Variants in ZFPM1 observed in about 807,000 individuals in gnomAD.
ZFPM1 encodes zinc finger protein, FOG family member 1, also known as zinc finger protein ZFPM1.
A neutral mutation model predicts 46.3 loss-of-function variants in ZFPM1; 28 were observed. That is an observed-to-expected ratio of 0.60 (90% CI 0.45 to 0.83). The LOEUF (loss-of-function observed/expected upper bound fraction) is 0.83, where lower values mean the gene tolerates loss of function less well. ZFPM1 is among the 40% of genes least tolerant of loss of function. The pLI is 0.00. For missense variants in ZFPM1, 1,878 were observed against 1,432.4 expected (o/e 1.31, Z -5.02); for synonymous variants, 957 against 675.9 (o/e 1.42, Z -6.45).
intron 3 of ZFPM1, among the ~76,000 whole-genome samples, chr16:88,500,314 A>G (rs992920479): frequency 3.9e-4 from 59 of 152,258 alleles, no homozygotes; most frequent in African/African-American, 1.3e-3. Flanking sequence ...AGCTCCCCCC[A>G]TGAGCTGGTG....
intron 4 of ZFPM1, among the ~76,000 whole-genome samples, chr16:88,517,044 T>C (rs1384948371): frequency 6.6e-6 from 1 of 152,162 alleles, no homozygotes; most frequent in Non-Finnish European, 1.5e-5. Flanking sequence ...GCTTCCCTGA[T>C]GCAGCAACAG....
intron 3 of ZFPM1, 105 bp downstream of exon 3, chr16:88,489,258 G>A: frequency 6.9e-7 from 1 of 1,454,050 alleles, no homozygotes; most frequent in Non-Finnish European, 9.1e-7. Context: ...GCAGGTTGCT[G>A]GAGACCCACC....
Position 88,532,153 on chromosome 16 carries a change from C to A in ZFPM1, c.864C>A (p.Asn288Lys). The A allele has an allele frequency of 1.9e-6, 3 of 1,612,638 alleles. No homozygotes were observed. Among genetic ancestry groups the A allele is most frequent in the African/African-American group, 2.7e-5 (2 of 75,050 alleles). The change falls in exon 7 of 10, where the codon AAC (asparagine) becomes AAA (lysine). Residue 288 changes from asparagine (N) to lysine (K), a missense_variant. Coordinates refer to ENST00000319555, the MANE Select transcript of ZFPM1 (RefSeq NM_153813.3). ...AGAAGCCCAAAGAGACCTACCCCAA[C>A]GAGCGCGTCTGCCCCTTCCCCCAGT... ...TDEKPKETYP[N>K]ERVCPFPQCR...
At chr16:88,459,630 G>A (rs1597225419) in intron 1 of ZFPM1, among the ~76,000 whole-genome samples, 1 of 96,400 alleles carries the variant, frequency 1.0e-5, no homozygotes, top group African/African-American at 4.1e-5. Flanking sequence ...CTCCTCCCCA[G>A]CAGCCTAACG....
chr16:88,477,253 G>T (rs1338510498), intron 1 of ZFPM1, among the ~76,000 whole-genome samples: 1 of 152,258 alleles, frequency 6.6e-6, no homozygotes, highest in African/African-American at 2.4e-5. Context: ...GCCTGTGAGG[G>T]CCCCGGGTCA....
chr16:88,468,724 C>G (rs911981629), intron 1 of ZFPM1, among the ~76,000 whole-genome samples: 3 of 151,182 alleles, frequency 2.0e-5, no homozygotes, highest in African/African-American at 7.3e-5. Context: ...GCACCACTGT[C>G]CTAACCAGCC....
At chr16:88,460,934 C>CAGAAGGT (rs1567525358) in intron 1 of ZFPM1, among the ~76,000 whole-genome samples, 2 of 66,156 alleles carry the variant, frequency 3.0e-5, no homozygotes, top group African/African-American at 1.4e-4. Context: ...GGGCGGGAGG[C>CAGAAGGT]CTGGTGATGA....
intron 1 of ZFPM1, among the ~76,000 whole-genome samples, chr16:88,484,213 A>C (rs1023551918): frequency 1.3e-5 from 2 of 152,132 alleles, no homozygotes; most frequent in African/African-American, 4.8e-5. Context: ...TTTTCTGGGG[A>C]GGAGGCACCA....
In ZFPM1 at chr16:88,517,180, A is replaced by G. The variant is rs146923923; in HGVS notation, c.402+2660A>G. Reference sequence around the variant, plus strand: ...TGGGTAGGTGGACGGATGGATGGGTAGATGGATGGATGGATGGATGGATGG... The same window carrying G: ...TGGGTAGGTGGACGGATGGATGGGTGGATGGATGGATGGATGGATGGATGG... On this transcript the variant is annotated intron_variant, in intron 4 of 9. Transcript: ENST00000319555. 5.2e-3 allele frequency among the ~76,000 whole-genome samples: 477 copies of G among 92,200 alleles called. 4 individuals are homozygous for G. The highest frequency in any genetic ancestry group is 0.017 in the African/African-American group (452 of 27,146). The allele number at this position is 92,200 out of a possible 152,430, so 60.5% of individuals were successfully genotyped here.
intron 2 of ZFPM1, among the ~76,000 whole-genome samples, chr16:88,486,464 T>C (rs938105242): frequency 1.3e-5 from 2 of 152,120 alleles, no homozygotes; most frequent in Non-Finnish European, 2.9e-5. Context: ...CAGTGGGTGC[T>C]GGGTGCAAGT....
At chr16:88,527,524 C>T (rs1049761081) in intron 5 of ZFPM1, among the ~76,000 whole-genome samples, 6 of 152,062 alleles carry the variant, frequency 3.9e-5, no homozygotes, top group African/African-American at 4.8e-5. Context: ...TGCGCGTGAG[C>T]GGGCCGGCTC....
At chr16:88,513,964 C>T (rs1312596262) in intron 3 of ZFPM1, among the ~76,000 whole-genome samples, 1 of 152,238 alleles carries the variant, frequency 6.6e-6, no homozygotes, top group Non-Finnish European at 1.5e-5. Context: ...AATCTAATTG[C>T]ATTTGCAAAG....
chr16:88,526,786 C>A (rs1303221578), intron 4 of ZFPM1, 28 bp from the exon 5 acceptor site: 4 of 1,513,702 alleles, frequency 2.6e-6, no homozygotes, highest in Middle Eastern at 2.0e-4. Context: ...CGGACCCCTC[C>A]CCACGTGTTC....
At chr16:88,532,354 G>C in intron 7 of ZFPM1, 119 bp downstream of exon 7, 1 of 1,099,334 alleles carries the variant, frequency 9.1e-7, no homozygotes, top group South Asian at 1.6e-5. Context: ...CACCTGCGCG[G>C]TCTCCGGCAC....
At chr16:88,473,852 C>T (rs1050285650) in intron 1 of ZFPM1, among the ~76,000 whole-genome samples, 5 of 152,184 alleles carry the variant, frequency 3.3e-5, no homozygotes. Context: ...TTGCCCGCCA[C>T]GGCCCCACGC....
At chr16:88,453,718 AC>A (rs1397568788) in intron 1 of ZFPM1, 40 bp downstream of exon 1, 9 of 1,145,224 alleles carry the variant, frequency 7.9e-6, no homozygotes, top group Admixed American at 7.4e-5. Flanking sequence ...CGCGCGCCCG[AC>A]CCCCGCCGGA....
chr16:88,498,700 C>T (rs532742605), intron 3 of ZFPM1, among the ~76,000 whole-genome samples: 2 of 152,238 alleles, frequency 1.3e-5, no homozygotes, highest in Non-Finnish European at 2.9e-5. Context: ...GCCGGGGGCA[C>T]CCCTCTAATC....
chr16:88,462,955 C>T (rs1281342739), intron 1 of ZFPM1, among the ~76,000 whole-genome samples: 1 of 152,106 alleles, frequency 6.6e-6, no homozygotes, highest in Non-Finnish European at 1.5e-5. Context: ...TCCACACAAA[C>T]AGGGCAGGGG....
At chr16:88,500,709 C>A (rs1252926357) in intron 3 of ZFPM1, among the ~76,000 whole-genome samples, 1 of 152,190 alleles carries the variant, frequency 6.6e-6, no homozygotes, top group East Asian at 1.9e-4. Flanking sequence ...CCTGTTGTGC[C>A]CTGTTCTGGG....
Sources: gnomAD v4.1 joint callset for allele counts (sites outside exome capture counted in the v4.1 genomes callset) on GRCh38, gnomAD v4.1.1 for gene constraint, MANE v1.5 for transcripts, NCBI Gene and HGNC (gene_info 2026-07-23, HGNC 2026-07-21) for gene names.